The following UGGT2 variants were observed in gnomAD, a reference collection of about 807,000 sequenced individuals.
UGGT2 encodes the protein UDP-glucose glycoprotein glucosyltransferase 2, also known as UDP-glucose:glycoprotein glucosyltransferase 2.
Under a neutral mutation model 192.1 loss-of-function variants are expected in UGGT2, and 180 were observed. The observed-to-expected ratio is 0.94, with a 90% CI of 0.83 to 1.06. UGGT2 has a LOEUF of 1.06. Ranked by LOEUF, UGGT2 falls within the 50% of genes least tolerant of loss-of-function variation. UGGT2 has a pLI of 0.00. For synonymous variants in UGGT2, 580 were observed against 591.0 expected, an observed-to-expected ratio of 0.98 and a Z score of 0.27; for missense variants, 1,849 against 1,795.7, an observed-to-expected ratio of 1.03 and a Z score of -0.54.
At chr13:95,829,403 T>C (rs1365994564) in intron 38 of UGGT2, among the ~76,000 whole-genome samples, 1 of 152,304 alleles carries the variant, frequency 6.6e-6, no homozygotes, top group East Asian at 1.9e-4. Flanking sequence ...GATGACATGA[T>C]TGTATATTTA....
chr13:95,855,192 G>C (rs768235575), intron 34 of UGGT2, among the ~76,000 whole-genome samples: 12 of 151,298 alleles, frequency 7.9e-5, no homozygotes, highest in Non-Finnish European at 1.8e-4. Flanking sequence ...ATGCTGAGGT[G>C]GGAGGATGGC....
chr13:96,034,155 G>C (rs1162134837), intron 1 of UGGT2, among the ~76,000 whole-genome samples: 1 of 152,168 alleles, frequency 6.6e-6, no homozygotes, highest in Admixed American at 6.5e-5. Flanking sequence ...CCTGTGGATA[G>C]GAGCTACCCA....
At chr13:96,020,108 A>G (rs1439246602) in intron 4 of UGGT2, among the ~76,000 whole-genome samples, 1 of 152,166 alleles carries the variant, frequency 6.6e-6, no homozygotes, top group Non-Finnish European at 1.5e-5. Context: ...TGGGCTTTTG[A>G]ATATATAATT....
intron 34 of UGGT2, among the ~76,000 whole-genome samples, chr13:95,855,497 GTTT>G (rs555723276): frequency 4.8e-5 from 6 of 124,564 alleles, no homozygotes; most frequent in African/African-American, 1.2e-4. Context: ...GGCCTTGGGT[GTTT>G]TTTTTTTTTT....
chr13:95,802,797 G>A (rs1884119104), intron 38 of UGGT2, among the ~76,000 whole-genome samples: 1 of 151,524 alleles, frequency 6.6e-6, no homozygotes, highest in African/African-American at 2.4e-5. Flanking sequence ...CTGACAGCCT[G>A]GTATTAGCTA....
intron 12 of UGGT2, among the ~76,000 whole-genome samples, chr13:95,954,567 A>G (rs150061286): frequency 1.3e-5 from 2 of 152,318 alleles, no homozygotes; most frequent in Middle Eastern, 3.4e-3. Flanking sequence ...ACTACTGCTT[A>G]TCTTAAAACA....
chr13:95,814,947 T>C (rs1021157832), intron 38 of UGGT2, among the ~76,000 whole-genome samples: 2 of 152,210 alleles, frequency 1.3e-5, no homozygotes, highest in Admixed American at 1.3e-4. Context: ...ATCAGTATAA[T>C]TTATATATTA....
intron 38 of UGGT2, among the ~76,000 whole-genome samples, chr13:95,810,441 G>A (rs1203177657): frequency 6.6e-6 from 1 of 152,128 alleles, no homozygotes; most frequent in African/African-American, 2.4e-5. Flanking sequence ...CTGTGTTTGT[G>A]TGCATACATT....
At chr13:95,833,718 A>G (rs977914994) in intron 37 of UGGT2, among the ~76,000 whole-genome samples, 2 of 152,194 alleles carry the variant, frequency 1.3e-5, no homozygotes, top group Non-Finnish European at 1.5e-5. Context: ...ATTGGACGTG[A>G]GCTGTAAGTA....
chr13:95,990,201 C>A, intron 7 of UGGT2, 128 bp from the exon 8 acceptor site: 2 of 503,068 alleles, frequency 4.0e-6, no homozygotes, highest in Non-Finnish European at 3.4e-6. Flanking sequence ...TTAAGATAAT[C>A]ATAAATTGTG....
chr13:96,030,413 G>A lies in UGGT2; in HGVS notation c.241+1476C>T, dbSNP rs12583097. 1.4e-4 allele frequency among the ~76,000 whole-genome samples: 21 copies of A among 152,138 alleles called. No homozygotes were observed. In the East Asian group the frequency reaches 3.9e-3, roughly 28 times the overall value. On this transcript the variant is annotated intron_variant, in intron 2 of 38. Coordinates refer to ENST00000376747, the MANE Select transcript of UGGT2 (RefSeq NM_020121.4). ...CTAAAGTACCTCCAGCATTTCTTAT[G>A]ACTAAAAAGCTTTTTCAGGAAAAAA...
chr13:95,928,173 G>A (rs1483381175), intron 17 of UGGT2, among the ~76,000 whole-genome samples: 2 of 152,202 alleles, frequency 1.3e-5, no homozygotes, highest in South Asian at 2.1e-4. Flanking sequence ...TCAATGAGCT[G>A]TTGGGTACAC....
intron 4 of UGGT2, 45 bp downstream of exon 4, chr13:96,022,990 ACTCTC>A (rs752315044): frequency 6.0e-6 from 8 of 1,340,082 alleles, no homozygotes; most frequent in Admixed American, 2.5e-5. Flanking sequence ...CTGCTATTGA[ACTCTC>A]CTCTCTATAA....
rs2049045486 is a variant in UGGT2 at position 95,927,238 on chromosome 13, C to A, written c.2076G>T (p.Gln692His). The A allele has an allele frequency of 6.2e-7, 1 of 1,611,798 alleles. No homozygotes were observed. The highest frequency in any genetic ancestry group is 1.7e-5 in the Admixed American group (1 of 59,908). Residue 692 changes from glutamine to histidine, a missense_variant, in exon 18 of 39, where the codon CAG becomes CAT. Transcript: ENST00000376747. ...INTLILRTNQ[Q>H]YLNLISTSVT... is the part of the protein sequence containing the mutation. ...CTGATGTAGATATTAAATTGAGGTA[C>A]TGCTGGTTAGTACGCAAAATCAAAG...
chr13:95,989,945 T>C (rs771057772), intron 8 of UGGT2, 28 bp downstream of exon 8: 40 of 1,462,010 alleles, frequency 2.7e-5, no homozygotes, highest in Non-Finnish European at 3.4e-5. Flanking sequence ...ACCAAAATGC[T>C]GTGTTAAAGT....
At chr13:95,940,265 T>C (rs1451679793) in intron 15 of UGGT2, among the ~76,000 whole-genome samples, 174 bp from the exon 16 acceptor site, 1 of 151,856 alleles carries the variant, frequency 6.6e-6, no homozygotes, top group East Asian at 1.9e-4. Context: ...ATAAAGATGG[T>C]TTTAAAATAT....
intron 12 of UGGT2, among the ~76,000 whole-genome samples, chr13:95,968,298 T>C (rs1490386176): frequency 1.3e-5 from 2 of 152,062 alleles, no homozygotes; most frequent in Non-Finnish European, 2.9e-5. Context: ...TATAGCCTAA[T>C]AAAAAACAGA....
chr13:96,037,067 A>C (rs944267135), intron 1 of UGGT2, among the ~76,000 whole-genome samples: 1 of 152,240 alleles, frequency 6.6e-6, no homozygotes, highest in African/African-American at 2.4e-5. Flanking sequence ...GGGTGTTTTT[A>C]TACGCACTAA....
At chr13:95,839,047 T>C (rs1273067522) in intron 36 of UGGT2, among the ~76,000 whole-genome samples, 1 of 152,130 alleles carries the variant, frequency 6.6e-6, no homozygotes, top group African/African-American at 2.4e-5. Context: ...TTCTCTCACT[T>C]AGTTGTACTT....
Sources: allele counts gnomAD v4.1 joint callset (sites outside exome capture counted in the v4.1 genomes callset), GRCh38; gene constraint gnomAD v4.1.1; transcripts MANE v1.5; gene names NCBI Gene and HGNC (gene_info 2026-07-23, HGNC 2026-07-21).